The following KCNMA1 variants were observed in gnomAD, a reference collection of about 807,000 sequenced individuals.
KCNMA1 encodes the protein Calcium-activated potassium channel subunit alpha-1.
A neutral mutation model predicts 140.0 loss-of-function variants in KCNMA1; 29 were observed. The ratio of observed to expected loss-of-function variants is 0.21; its 90% confidence interval spans 0.15 to 0.28. The LOEUF (loss-of-function observed/expected upper bound fraction) is 0.28. Among genes scored for constraint, KCNMA1 ranks in the 10% least tolerant of loss-of-function variants. The pLI is 1.00. For missense variants in KCNMA1, 880 were observed against 1,602.2 expected, an observed-to-expected ratio of 0.55 and a Z score of 7.70; for synonymous variants, 612 against 611.9, an observed-to-expected ratio of 1.00 and a Z score of 0.00.
At chr10:77,394,075 T>G (rs534626735) in intron 2 of KCNMA1, among the ~76,000 whole-genome samples, 1 of 152,242 alleles carries the variant, frequency 6.6e-6, no homozygotes, top group Non-Finnish European at 1.5e-5. Context: ...GACAATGGGA[T>G]GGAAGGCCAA....
intron 1 of KCNMA1, among the ~76,000 whole-genome samples, chr10:77,556,889 CA>C (rs2064698008): frequency 6.6e-6 from 1 of 152,196 alleles, no homozygotes; most frequent in Non-Finnish European, 1.5e-5. Flanking sequence ...CAAGCACAAT[CA>C]AACTGCAATG....
intron 12 of KCNMA1, among the ~76,000 whole-genome samples, chr10:77,083,778 T>C (rs559083060): frequency 7.3e-5 from 10 of 136,990 alleles, no homozygotes; most frequent in East Asian, 6.6e-4. Context: ...AAGGTTATAG[T>C]GAGCTATGAT....
At position 77,589,525 on chromosome 10, in the gene KCNMA1, A is replaced by AAC. The variant is rs574355738; in HGVS notation, c.378+47738_378+47739dup. 8.8e-4 allele frequency among the ~76,000 whole-genome samples: 133 copies of AAC among 151,368 alleles called. 3 individuals carry two copies. In the South Asian group the frequency reaches 0.012, roughly 13 times the overall value. On this transcript the variant is annotated intron_variant, in intron 1 of 27. Transcript: ENST00000286628. ...ATTCCTAAATGATCCTGGAAGGCTG[A>AAC]ACACACACACACACACGCACAAAGT...
At chr10:77,636,784 AC>A in intron 1 of KCNMA1, 2 of 1,452,642 alleles carry the variant, frequency 1.4e-6, no homozygotes, top group Non-Finnish European at 1.8e-6. Flanking sequence ...CTTCTTTCTG[AC>A]CCCACGAACT....
At chr10:77,260,981 T>G (rs2061847163) in intron 2 of KCNMA1, among the ~76,000 whole-genome samples, 1 of 152,192 alleles carries the variant, frequency 6.6e-6, no homozygotes, top group African/African-American at 2.4e-5. Context: ...TGTATTTGTA[T>G]GCACACAAAC....
At chr10:77,115,201 T>C (rs2097426807) in intron 6 of KCNMA1, among the ~76,000 whole-genome samples, 1 of 152,222 alleles carries the variant, frequency 6.6e-6, no homozygotes, top group Non-Finnish European at 1.5e-5. Context: ...CAGATTCAAC[T>C]TTGTGGGTGA....
chr10:76,984,998 G>A (rs2080828141), intron 19 of KCNMA1, among the ~76,000 whole-genome samples: 1 of 152,158 alleles, frequency 6.6e-6, no homozygotes, highest in Non-Finnish European at 1.5e-5. Flanking sequence ...GAAAAGCAGC[G>A]CCACCTGCTG....
rs186786498 is a variant in KCNMA1 at position 77,312,043 on chromosome 10, C to T, written c.541-60787G>A. ...AACCTGCAATTCAGATGCACACAGC[C>T]CACTAGGCGCTAGCCTGCTATGACT... On this transcript the variant is annotated intron_variant, in intron 2 of 27. Transcript: ENST00000286628. Among the ~76,000 whole-genome samples the T allele has an allele frequency of 2.3e-3, 349 of 152,334 alleles. 1 individual carries two copies. The highest frequency in any genetic ancestry group is 8.1e-3 in the African/African-American group (337 of 41,582).
At chr10:77,466,059 G>A (rs1298233885) in intron 1 of KCNMA1, among the ~76,000 whole-genome samples, 1 of 152,202 alleles carries the variant, frequency 6.6e-6, no homozygotes, top group Non-Finnish European at 1.5e-5. Flanking sequence ...CTTGGCGGGA[G>A]CATCAGGAAC....
intron 1 of KCNMA1, among the ~76,000 whole-genome samples, chr10:77,515,955 T>C (rs1191467452): frequency 6.6e-6 from 1 of 152,186 alleles, no homozygotes; most frequent in African/African-American, 2.4e-5. Flanking sequence ...CTTCCATCCC[T>C]GTTATCCCTG....
downstream of KCNMA1, among the ~76,000 whole-genome samples, chr10:76,882,349 A>G (rs1184554189): frequency 6.6e-6 from 1 of 152,162 alleles, no homozygotes; most frequent in Admixed American, 6.5e-5. Context: ...TGCTGTTTGG[A>G]GAGAGACAAC....
At chr10:77,033,127 T>A (rs1234806808) in intron 15 of KCNMA1, among the ~76,000 whole-genome samples, 2 of 152,088 alleles carry the variant, frequency 1.3e-5, no homozygotes, top group East Asian at 3.9e-4. Flanking sequence ...CACATGCAAT[T>A]GAAGTAGATA....
At chr10:76,941,018 G>GAAGGAAGAAAGAAAGA (rs1554960623) in intron 23 of KCNMA1, among the ~76,000 whole-genome samples, 45 of 38,250 alleles carry the variant, frequency 1.2e-3, no homozygotes, top group Middle Eastern at 0.021. Flanking sequence ...AGGAAGGAAG[G>GAAGGAAGAAAGAAAGA]AAGAAAGAAA....
intron 1 of KCNMA1, among the ~76,000 whole-genome samples, chr10:77,567,728 G>A (rs914996598): frequency 3.9e-5 from 6 of 152,192 alleles, no homozygotes; most frequent in African/African-American, 1.4e-4. Flanking sequence ...ACTCAGGTCT[G>A]AGCTAGGGCA....
At chr10:77,164,006 C>G (rs1251491919) in intron 5 of KCNMA1, among the ~76,000 whole-genome samples, 1 of 152,066 alleles carries the variant, frequency 6.6e-6, no homozygotes, top group East Asian at 1.9e-4. Context: ...CCTGGGCATC[C>G]CCAGGCCCCA....
chr10:77,099,532 T>C (rs1416498332), intron 9 of KCNMA1, among the ~76,000 whole-genome samples: 2 of 151,962 alleles, frequency 1.3e-5, no homozygotes, highest in African/African-American at 2.4e-5. Context: ...CTGACCAACA[T>C]AGAGAAACCC....
intron 1 of KCNMA1, among the ~76,000 whole-genome samples, chr10:77,491,567 T>A (rs2039864082): frequency 6.6e-6 from 1 of 152,134 alleles, no homozygotes; most frequent in African/African-American, 2.4e-5. Context: ...TGGCTCCAAT[T>A]TGCTGAGGAC....
intron 8 of KCNMA1, among the ~76,000 whole-genome samples, chr10:77,109,554 G>A (rs1471309391): frequency 6.6e-6 from 1 of 152,214 alleles, no homozygotes; most frequent in Non-Finnish European, 1.5e-5. Flanking sequence ...AGCAAACAGT[G>A]AAACTTTCTT....
At chr10:77,209,509 A>G (rs1473171445) in intron 3 of KCNMA1, among the ~76,000 whole-genome samples, 1 of 152,222 alleles carries the variant, frequency 6.6e-6, no homozygotes, top group African/African-American at 2.4e-5. Context: ...AAAGGGGTTT[A>G]GGAAACTAAT....
Sources: allele counts gnomAD v4.1 joint callset (sites outside exome capture counted in the v4.1 genomes callset), GRCh38; gene constraint gnomAD v4.1.1; transcripts MANE v1.5; gene names NCBI Gene and HGNC (gene_info 2026-07-23, HGNC 2026-07-21).